Variants in GUCY1A2 observed in about 807,000 individuals in gnomAD.
The protein encoded by GUCY1A2 is guanylate cyclase 1 soluble subunit alpha 2.
A neutral mutation model predicts 63.5 loss-of-function variants in GUCY1A2; 27 were observed. The observed-to-expected ratio is 0.43, with a 90% CI of 0.31 to 0.59. GUCY1A2 has a LOEUF of 0.59. Ranked by LOEUF, GUCY1A2 falls within the 20% of genes least tolerant of loss-of-function variation. The pLI is 0.11. For missense variants in GUCY1A2, 768 were observed against 913.3 expected (o/e 0.84, Z 2.05); for synonymous variants, 364 against 343.5 (o/e 1.06, Z -0.66).
chr11:106,787,426 T>TTG (rs1864576740), intron 5 of GUCY1A2, among the ~76,000 whole-genome samples: 1 of 146,910 alleles, frequency 6.8e-6, no homozygotes, highest in African/African-American at 2.5e-5. Context: ...TTTTTTTTTT[T>TTG]GCTTGAAAAC....
intron 6 of GUCY1A2, among the ~76,000 whole-genome samples, chr11:106,743,766 A>G (rs1363986276): frequency 6.6e-6 from 1 of 152,244 alleles, no homozygotes; most frequent in African/African-American, 2.4e-5. Context: ...AGTTATTTGC[A>G]TAATATAGAA....
intron 3 of GUCY1A2, among the ~76,000 whole-genome samples, chr11:106,953,704 G>C (rs997101104): frequency 6.6e-6 from 1 of 151,940 alleles, no homozygotes; most frequent in Non-Finnish European, 1.5e-5. Context: ...TTTAGAGCTT[G>C]TTATTGGTCT....
At chr11:106,994,727 T>A (rs574139263) in intron 1 of GUCY1A2, among the ~76,000 whole-genome samples, 2 of 152,360 alleles carry the variant, frequency 1.3e-5, no homozygotes, top group South Asian at 4.1e-4. Flanking sequence ...TCTCCTGTGC[T>A]CTTTCTGTCA....
At chr11:106,962,312 G>A (rs543136334) in intron 3 of GUCY1A2, among the ~76,000 whole-genome samples, 2 of 152,208 alleles carry the variant, frequency 1.3e-5, no homozygotes, top group East Asian at 1.9e-4. Context: ...AGCACTTTGG[G>A]AGGCCAAGGC....
chr11:106,886,894 G>A (rs1236762630), intron 4 of GUCY1A2, among the ~76,000 whole-genome samples: 4 of 151,990 alleles, frequency 2.6e-5, no homozygotes, highest in African/African-American at 7.2e-5. Context: ...AATAATTCTG[G>A]GTTGCTAAGG....
chr11:106,839,516 C>A (rs1312861823), intron 4 of GUCY1A2, among the ~76,000 whole-genome samples: 1 of 151,952 alleles, frequency 6.6e-6, no homozygotes, highest in African/African-American at 2.4e-5. Flanking sequence ...TGGGTATATA[C>A]CCAAAGGAAT....
chr11:106,802,081 A>G (rs950748240), intron 5 of GUCY1A2, among the ~76,000 whole-genome samples: 1 of 152,190 alleles, frequency 6.6e-6, no homozygotes, highest in African/African-American at 2.4e-5. Context: ...CAGCATTTCT[A>G]CTACATAAAA....
At chr11:106,796,354 T>C (rs567488709) in intron 5 of GUCY1A2, among the ~76,000 whole-genome samples, 4 of 152,150 alleles carry the variant, frequency 2.6e-5, no homozygotes, top group Non-Finnish European at 5.9e-5. Flanking sequence ...TCATTATGAA[T>C]TTAGCTGGTT....
chr11:106,846,406 A>C (rs1859274433), intron 4 of GUCY1A2, among the ~76,000 whole-genome samples: 1 of 151,674 alleles, frequency 6.6e-6, no homozygotes. Flanking sequence ...AAACTTTTTA[A>C]AATCCAAAGT....
At chr11:106,911,746 T>A (rs925812325) in intron 4 of GUCY1A2, among the ~76,000 whole-genome samples, 9 of 152,194 alleles carry the variant, frequency 5.9e-5, no homozygotes, top group African/African-American at 2.2e-4. Flanking sequence ...ATACATGCTT[T>A]TTAAAGTCCT....
At chr11:106,883,818 T>C (rs959826067) in intron 4 of GUCY1A2, among the ~76,000 whole-genome samples, 3 of 152,004 alleles carry the variant, frequency 2.0e-5, no homozygotes, top group African/African-American at 7.2e-5. Flanking sequence ...GAGTCAGGTG[T>C]TGAAAGTGTG....
intron 4 of GUCY1A2, among the ~76,000 whole-genome samples, chr11:106,830,261 T>G (rs1859032461): frequency 6.6e-6 from 1 of 152,182 alleles, no homozygotes; most frequent in Admixed American, 6.5e-5. Flanking sequence ...ATAGTTGTAT[T>G]ATGTTATGTG....
At chr11:106,806,719 A>C (rs1858691991) in intron 5 of GUCY1A2, among the ~76,000 whole-genome samples, 1 of 152,196 alleles carries the variant, frequency 6.6e-6, no homozygotes, top group Non-Finnish European at 1.5e-5. Context: ...CTTAGTATTC[A>C]TACACCTGTA....
chr11:106,907,896 C>T (rs1860235697), intron 4 of GUCY1A2, among the ~76,000 whole-genome samples: 1 of 152,112 alleles, frequency 6.6e-6, no homozygotes, highest in Admixed American at 6.6e-5. Flanking sequence ...CAATTCTTAT[C>T]TTTATGCATG....
intron 6 of GUCY1A2, among the ~76,000 whole-genome samples, chr11:106,740,343 G>C (rs548791639): frequency 5.1e-4 from 77 of 152,120 alleles, no homozygotes; most frequent in African/African-American, 1.8e-3. Flanking sequence ...AGGTAAGGAA[G>C]TAGAAACAGA....
chr11:106,708,957 A>C (rs1170790520), intron 6 of GUCY1A2, among the ~76,000 whole-genome samples: 6 of 151,224 alleles, frequency 4.0e-5, no homozygotes, highest in Non-Finnish European at 8.8e-5. Flanking sequence ...ATCAGATTTC[A>C]TCTGTATGTA....
intron 4 of GUCY1A2, among the ~76,000 whole-genome samples, chr11:106,839,626 T>G (rs1591297590): frequency 1.3e-5 from 2 of 151,768 alleles, no homozygotes; most frequent in Middle Eastern, 6.8e-3. Context: ...CCAACAATGA[T>G]AGACTGGATT....
chr11:106,829,600 C>T (rs77680177), intron 4 of GUCY1A2, among the ~76,000 whole-genome samples: 11,539 of 152,190 alleles, frequency 0.076, 621 homozygotes, highest in Middle Eastern at 0.13. Flanking sequence ...TGCAACAATT[C>T]TATTAAGCTG....
At chr11:106,776,632 G>A in intron 5 of GUCY1A2, 50 bp from the exon 6 acceptor site, 1 of 1,562,220 alleles carries the variant, frequency 6.4e-7, no homozygotes, top group Non-Finnish European at 8.8e-7. Context: ...TGAGCCCAAA[G>A]AGAAATGATT....
Sources: gnomAD v4.1 joint callset for allele counts (sites outside exome capture counted in the v4.1 genomes callset) on GRCh38, gnomAD v4.1.1 for gene constraint, MANE v1.5 for transcripts, NCBI Gene and HGNC (gene_info 2026-07-23, HGNC 2026-07-21) for gene names.